UGT2A1: variants seen among roughly 807,000 people sequenced by gnomAD.
UGT2A1 encodes the protein UDP glucuronosyltransferase family 2 member A1 complex locus.
UGT2A1 carries 61 observed loss-of-function variants against 45.4 expected under a neutral mutation model. The ratio of observed to expected loss-of-function variants is 1.34; its 90% CI spans 1.09 to 1.66. The LOEUF (loss-of-function observed/expected upper bound fraction) is 1.66, where lower values mean the gene tolerates loss of function less well. Ranked by LOEUF, UGT2A1 falls within the 40% of genes most tolerant of loss-of-function variation. The pLI, the probability that UGT2A1 is intolerant of heterozygous loss-of-function variation, is 0.00. For synonymous variants in UGT2A1, 229 were observed against 196.2 expected, an observed-to-expected ratio of 1.17 and a Z score of -1.40; for missense variants, 649 against 574.3, an observed-to-expected ratio of 1.13 and a Z score of -1.33.
In UGT2A1 at chr4:69,643,384, C is replaced by A. The variant is rs201096384; in HGVS notation, c.715+3546G>T. 4.6e-5 allele frequency among the ~76,000 whole-genome samples: 7 copies of A among 151,496 alleles called. No homozygotes were observed. The East Asian group carries it at 1.4e-3, about 29-fold the overall frequency. Reference sequence around the variant, plus strand: ...AGAACAAGGAAATATGACATCAAAGCTTTGATATGAGAAAGATTTTCATTT... The same window carrying A: ...AGAACAAGGAAATATGACATCAAAGATTTGATATGAGAAAGATTTTCATTT... On this transcript the variant is annotated intron_variant, in intron 2 of 6. Coordinates refer to ENST00000286604, the MANE Select transcript of UGT2A1 (RefSeq NM_001252275.3).
At chr4:69,592,958 A>G (rs186673247) in intron 6 of UGT2A1, among the ~76,000 whole-genome samples, 52 of 152,280 alleles carry the variant, frequency 3.4e-4, no homozygotes, top group African/African-American at 1.3e-3. Flanking sequence ...AAAAGTAACT[A>G]TTTCTTTTTC....
At chr4:69,607,201 G>T (rs1420445077) in intron 3 of UGT2A1, among the ~76,000 whole-genome samples, 1 of 150,242 alleles carries the variant, frequency 6.7e-6, no homozygotes, top group African/African-American at 2.5e-5. Flanking sequence ...AAACAGCATG[G>T]TACTGGTACC....
chr4:69,614,792 G>A (rs1208748740), intron 3 of UGT2A1, among the ~76,000 whole-genome samples: 1 of 152,004 alleles, frequency 6.6e-6, no homozygotes, highest in East Asian at 1.9e-4. Context: ...CCTCTGAGTA[G>A]TCTGTTCTCA....
chr4:69,625,006 A>G (rs1298990663), intron 3 of UGT2A1, among the ~76,000 whole-genome samples: 1 of 151,068 alleles, frequency 6.6e-6, no homozygotes, highest in Non-Finnish European at 1.5e-5. Flanking sequence ...GTAGCAACAA[A>G]AAAAATCAGC....
intron 3 of UGT2A1, among the ~76,000 whole-genome samples, chr4:69,618,465 T>C (rs1427354793): frequency 2.0e-5 from 3 of 151,906 alleles, no homozygotes; most frequent in Non-Finnish European, 4.4e-5. Context: ...CATTTCTAAC[T>C]TTGTTTATTG....
intron 1 of UGT2A1, among the ~76,000 whole-genome samples, chr4:69,648,856 G>A (rs1328612280): frequency 1.3e-5 from 2 of 152,022 alleles, no homozygotes; most frequent in African/African-American, 2.4e-5. Flanking sequence ...GCTGGTAGCA[G>A]TCTTAAGGAT....
intron 3 of UGT2A1, among the ~76,000 whole-genome samples, chr4:69,624,528 T>C (rs988705041): frequency 6.6e-6 from 1 of 151,372 alleles, no homozygotes; most frequent in African/African-American, 2.4e-5. Flanking sequence ...CCTCATCTCT[T>C]TTTTGTTCTT....
intron 3 of UGT2A1, among the ~76,000 whole-genome samples, chr4:69,629,654 T>A (rs1273097288): frequency 1.3e-5 from 2 of 152,040 alleles, no homozygotes; most frequent in African/African-American, 4.8e-5. Flanking sequence ...TCACCACATA[T>A]CATTTCTAGG....
At chr4:69,642,059 A>T (rs1487481802) in intron 2 of UGT2A1, among the ~76,000 whole-genome samples, 1 of 151,786 alleles carries the variant, frequency 6.6e-6, no homozygotes, top group African/African-American at 2.4e-5. Context: ...GTCTTTAGGC[A>T]GACCACAAGT....
chr4:69,648,871 G>C (rs1578011766), intron 1 of UGT2A1, among the ~76,000 whole-genome samples: 1 of 151,946 alleles, frequency 6.6e-6, no homozygotes, highest in African/African-American at 2.4e-5. Flanking sequence ...AAGGATCTCT[G>C]ACTCCCACAG....
At chr4:69,590,496 T>A (rs1718525973) in intron 6 of UGT2A1, among the ~76,000 whole-genome samples, 2 of 152,182 alleles carry the variant, frequency 1.3e-5, no homozygotes, top group South Asian at 4.1e-4. Flanking sequence ...TTCATGAAGA[T>A]GAGCGAAGGT....
At chr4:69,652,237 G>A (rs1403696108) in intron 1 of UGT2A1, among the ~76,000 whole-genome samples, 8 of 149,038 alleles carry the variant, frequency 5.4e-5, no homozygotes, top group Non-Finnish European at 8.9e-5. Context: ...AACACAATTG[G>A]TTATTGCTTT....
chr4:69,617,902 C>CACAGTA (rs1720496492), intron 3 of UGT2A1, among the ~76,000 whole-genome samples: 1 of 151,850 alleles, frequency 6.6e-6, no homozygotes, highest in South Asian at 2.1e-4. Context: ...ACAAAACCGA[C>CACAGTA]ACAGTAACAG....
chr4:69,607,067 A>G lies in UGT2A1; in HGVS notation c.848-7673T>C, dbSNP rs1577961096. On this transcript the variant is annotated intron_variant, in intron 3 of 6. Transcript: ENST00000286604. ...TTTCTTCACAGAATTGGAAAAAACT[A>G]CTTTAAAGTTCATATGGAACCAAAA... Among the ~76,000 whole-genome samples, 2 of 105,630 alleles carry G rather than the reference A, an allele frequency of 1.9e-5. 1 individual carries two copies. Among genetic ancestry groups the G allele is most frequent in the South Asian group, 6.2e-4 (2 of 3,220 alleles). The allele number at this position is 105,630 out of a possible 152,430, so 69.3% of individuals were successfully genotyped here. A position where few individuals can be genotyped will look rare whatever the true frequency, so the allele number is the denominator to read the frequency against.
chr4:69,640,551 A>G (rs1303432362), intron 2 of UGT2A1, among the ~76,000 whole-genome samples: 1 of 151,924 alleles, frequency 6.6e-6, no homozygotes, highest in Non-Finnish European at 1.5e-5. Context: ...TTATGTAACA[A>G]TGCTGTTTTG....
rs534950896 is a variant in UGT2A1 at position 69,631,148 on chromosome 4, C to T, written c.847+4543G>A. Among the ~76,000 whole-genome samples the T allele has an allele frequency of 1.6e-3, 244 of 152,134 alleles. 1 individual carries two copies. Among genetic ancestry groups the T allele is most frequent in the African/African-American group, 5.7e-3 (236 of 41,520 alleles). On this transcript the variant is annotated intron_variant, in intron 3 of 6. Coordinates refer to ENST00000286604, the MANE Select transcript of UGT2A1 (RefSeq NM_001252275.3). ...TGCTTTATTTTTGACTTCCTATTAACGTCTTTTCTTTAGAAAAGCAGAGAG... is the reference window on the plus strand; with the variant it reads ...TGCTTTATTTTTGACTTCCTATTAATGTCTTTTCTTTAGAAAAGCAGAGAG...
intron 3 of UGT2A1, among the ~76,000 whole-genome samples, chr4:69,633,860 T>C (rs1721521611): frequency 6.6e-6 from 1 of 152,068 alleles, no homozygotes; most frequent in Non-Finnish European, 1.5e-5. Context: ...GTTTATTAAT[T>C]TGAGTGCTGG....
chr4:69,637,614 TC>T (rs1271484920), intron 2 of UGT2A1, among the ~76,000 whole-genome samples: 2 of 152,156 alleles, frequency 1.3e-5, no homozygotes, highest in African/African-American at 4.8e-5. Context: ...CTCTGCCTGC[TC>T]TATTTAAATA....
At chr4:69,636,805 TATC>T (rs1721735622) in intron 2 of UGT2A1, among the ~76,000 whole-genome samples, 1 of 152,164 alleles carries the variant, frequency 6.6e-6, no homozygotes, top group East Asian at 1.9e-4. Flanking sequence ...CCACATATGA[TATC>T]ATATGATCCT....
Sources: gnomAD v4.1 joint callset for allele counts (sites outside exome capture counted in the v4.1 genomes callset) on GRCh38, gnomAD v4.1.1 for gene constraint, MANE v1.5 for transcripts, NCBI Gene and HGNC (gene_info 2026-07-23, HGNC 2026-07-21) for gene names.